The following ANO3 variants were observed in gnomAD, a reference collection of about 807,000 sequenced individuals.
ANO3 encodes anoctamin-3.
A neutral mutation model predicts 144.8 loss-of-function variants in ANO3; 99 were observed. The ratio of observed to expected loss-of-function variants is 0.68; its 90% CI spans 0.58 to 0.81. The LOEUF is 0.81. Among genes scored for constraint, ANO3 ranks in the 30% least tolerant of loss-of-function variants. The pLI is 0.00. For missense variants in ANO3, 905 were observed against 1,202.2 expected (o/e 0.75, Z 3.66); for synonymous variants, 414 against 392.6 (o/e 1.05, Z -0.64).
intron 17 of ANO3, 142 bp from the exon 18 acceptor site, chr11:26,624,320 T>G (rs1173587729): frequency 1.7e-6 from 1 of 580,884 alleles, no homozygotes; most frequent in African/African-American, 1.9e-5. Context: ...CCTTACATAC[T>G]AAGTTTCAAT....
At chr11:26,265,900 T>G (rs558647862) in intron 1 of ANO3, among the ~76,000 whole-genome samples, 2 of 152,278 alleles carry the variant, frequency 1.3e-5, no homozygotes, top group African/African-American at 4.8e-5. Flanking sequence ...ATGTCAATGA[T>G]GAATAGAATA....
intron 18 of ANO3, among the ~76,000 whole-genome samples, chr11:26,633,749 G>A (rs1362020104): frequency 6.6e-6 from 1 of 152,144 alleles, no homozygotes; most frequent in East Asian, 1.9e-4. Flanking sequence ...AGACACAGAT[G>A]CTAGAAATCA....
chr11:26,407,381 G>A (rs1006753295), intron 1 of ANO3, among the ~76,000 whole-genome samples: 12 of 151,526 alleles, frequency 7.9e-5, no homozygotes, highest in South Asian at 2.1e-4. Flanking sequence ...AATGGGTGCC[G>A]TCTCTCTGCT....
intron 1 of ANO3, among the ~76,000 whole-genome samples, chr11:26,350,660 T>C (rs1455163242): frequency 6.6e-6 from 1 of 152,164 alleles, no homozygotes; most frequent in Non-Finnish European, 1.5e-5. Flanking sequence ...AATGACTCAG[T>C]TGCAAAGAGT....
At chr11:26,564,505 TA>T (rs1216316854) in intron 14 of ANO3, among the ~76,000 whole-genome samples, 37 of 150,498 alleles carry the variant, frequency 2.5e-4, no homozygotes, top group East Asian at 3.9e-4. Context: ...AAAACTTAGT[TA>T]TTTTTTTTCA....
rs552686268 is a variant in ANO3 at position 26,279,681 on chromosome 11, TG to T, written c.155-29960del. 1.7e-3 allele frequency among the ~76,000 whole-genome samples: 262 copies of T among 152,232 alleles called. 1 individual carries two copies. The highest frequency in any genetic ancestry group is 1.8e-3 in the Non-Finnish European group (124 of 68,002). On this transcript the variant is annotated intron_variant, in intron 1 of 27. Coordinates refer to the ANO3 transcript ENST00000672621. ...AGTAGGGTCTTCAGGGACTTGCAAG[TG>T]GGGTCTCCCAGGGAACCAGAAAACT...
intron 7 of ANO3, among the ~76,000 whole-genome samples, chr11:26,528,187 C>T (rs1333035246): frequency 6.6e-6 from 1 of 152,118 alleles, no homozygotes; most frequent in African/African-American, 2.4e-5. Context: ...TCATTATAAA[C>T]ACGTATTGAG....
chr11:26,277,731 T>C (rs528765090), intron 1 of ANO3, among the ~76,000 whole-genome samples: 1 of 152,136 alleles, frequency 6.6e-6, no homozygotes, highest in Non-Finnish European at 1.5e-5. Context: ...TTTCTTGGCT[T>C]AATATCATCT....
In ANO3 at chr11:26,513,443, T is replaced by C. The variant is rs935434401; in HGVS notation, c.592-3384T>C. ...TGAAGGAGGTAGAGAGGGATCAGAATCTGGCTATCTGTACGGTAAAGTAAA... is the reference window on the plus strand; with the variant it reads ...TGAAGGAGGTAGAGAGGGATCAGAACCTGGCTATCTGTACGGTAAAGTAAA... On this transcript the variant is annotated intron_variant, in intron 5 of 26. Transcript: ENST00000256737. Among the ~76,000 whole-genome samples, 5 of 152,132 alleles carry C rather than the reference T, an allele frequency of 3.3e-5. No individual in the cohort carries two copies. In the East Asian group the frequency reaches 9.7e-4, roughly 29 times the overall value.
In ANO3 at chr11:26,463,133, G is replaced by A. The variant is rs753616592; in HGVS notation, c.417G>A (p.Lys139=). ...TTATCAAAGATAAATCTGAATTCAAGACAAAATTATCTAAGGTAATGAGAA... is the reference window on the plus strand; with the variant it reads ...TTATCAAAGATAAATCTGAATTCAAAACAAAATTATCTAAGGTAATGAGAA... ...DFVIKDKSEF[K]TKLSKNDMNY... is the part of the protein sequence containing the mutation. The change falls in exon 4 of 27, where the codon AAG becomes AAA. Residue 139 remains lysine, a synonymous_variant. Transcript: ENST00000256737. 2 of 1,561,160 alleles carry A rather than the reference G, an allele frequency of 1.3e-6. No individual in the cohort carries two copies. The highest frequency in any genetic ancestry group is 1.7e-6 in the Non-Finnish European group (2 of 1,143,998).
chr11:26,350,037 T>TGGGGAGGAGACAGGAACGGAAG (rs201958227), intron 1 of ANO3, among the ~76,000 whole-genome samples: 20 of 149,334 alleles, frequency 1.3e-4, no homozygotes, highest in East Asian at 1.9e-4. Context: ...AAAGGAGAGT[T>TGGGGAGGAGACAGGAACGGAAG]GGGGAGGAGA....
intron 23 of ANO3, among the ~76,000 whole-genome samples, chr11:26,643,619 G>T (rs906786176): frequency 5.3e-5 from 8 of 152,128 alleles, no homozygotes; most frequent in African/African-American, 1.9e-4. Context: ...GCCGGGCATG[G>T]TGGTGGGTGC....
At chr11:26,209,314 A>G (rs935793006) in intron 1 of ANO3, among the ~76,000 whole-genome samples, 2 of 152,184 alleles carry the variant, frequency 1.3e-5, no homozygotes, top group Non-Finnish European at 2.9e-5. Flanking sequence ...TGCCTGCAAA[A>G]GACATGAACT....
At chr11:26,398,415 T>C (rs368383077) in intron 1 of ANO3, among the ~76,000 whole-genome samples, 15 of 152,236 alleles carry the variant, frequency 9.9e-5, no homozygotes, top group African/African-American at 3.6e-4. Context: ...ATAAAAAATG[T>C]ATTTCACATA....
chr11:26,385,136 A>G (rs34034555), intron 1 of ANO3, among the ~76,000 whole-genome samples: 18,880 of 152,264 alleles, frequency 0.12, 1,325 homozygotes, highest in Admixed American at 0.19. Context: ...ATCAATTAAG[A>G]TAAGACTCAT....
At chr11:26,570,735 ACT>A (rs1293783224) in intron 14 of ANO3, among the ~76,000 whole-genome samples, 1 of 151,830 alleles carries the variant, frequency 6.6e-6, no homozygotes, top group Non-Finnish European at 1.5e-5. Context: ...CTCAAAGAAA[ACT>A]CTGTCTGCTA....
chr11:26,268,036 C>A (rs1853353667), intron 1 of ANO3, among the ~76,000 whole-genome samples: 1 of 152,042 alleles, frequency 6.6e-6, no homozygotes, highest in African/African-American at 2.4e-5. Flanking sequence ...CGAGAAAATA[C>A]CTACATTCCA....
chr11:26,541,099 T>G (rs1480645059), intron 10 of ANO3, among the ~76,000 whole-genome samples: 1 of 152,164 alleles, frequency 6.6e-6, no homozygotes. Context: ...ATATACACCA[T>G]GGAATACTAT....
chr11:26,542,268 T>C (rs1849666459), intron 11 of ANO3, among the ~76,000 whole-genome samples, 200 bp downstream of exon 11: 1 of 152,120 alleles, frequency 6.6e-6, no homozygotes, highest in Non-Finnish European at 1.5e-5. Context: ...AAACAGGCTT[T>C]GCAAGGTGTC....
Sources: gnomAD v4.1 joint callset for allele counts (sites outside exome capture counted in the v4.1 genomes callset) on GRCh38, gnomAD v4.1.1 for gene constraint, MANE v1.5 for transcripts, NCBI Gene and HGNC (gene_info 2026-07-23, HGNC 2026-07-21) for gene names.